The following GALNT17 variants were observed in gnomAD, a reference collection of about 807,000 sequenced individuals.
The protein encoded by GALNT17 is UDP-GalNAc:polypeptide N-acetylgalactosaminyltransferase-like 3.
In GALNT17, 29 loss-of-function variants were observed where a neutral mutation model predicts 63.7. The observed-to-expected ratio is 0.46, with a 90% CI of 0.34 to 0.62. The LOEUF is 0.62. Ranked by LOEUF, GALNT17 falls within the 20% of genes least tolerant of loss-of-function variation. The probability of loss-of-function intolerance (pLI) is 0.01; values close to 1 mark genes in which losing one functional copy is unlikely to be tolerated. For synonymous variants in GALNT17, 305 were observed against 318.3 expected (o/e 0.96, Z 0.45); for missense variants, 603 against 799.6 (o/e 0.75, Z 2.97).
At chr7:71,510,186 A>G (rs953393448) in intron 5 of GALNT17, among the ~76,000 whole-genome samples, 9 of 151,986 alleles carry the variant, frequency 5.9e-5, no homozygotes, top group African/African-American at 2.2e-4. Context: ...GCCTCAAGTG[A>G]TCCTCCCACT....
At chr7:71,612,830 G>T (rs1790144986) in intron 6 of GALNT17, among the ~76,000 whole-genome samples, 1 of 152,180 alleles carries the variant, frequency 6.6e-6, no homozygotes, top group African/African-American at 2.4e-5. Flanking sequence ...ACTGGGCAGG[G>T]TGAAAATTCC....
intron 5 of GALNT17, among the ~76,000 whole-genome samples, chr7:71,570,995 C>CA (rs1295424750): frequency 4.0e-5 from 6 of 151,864 alleles, no homozygotes; most frequent in Non-Finnish European, 8.8e-5. Context: ...AAAACAAAAA[C>CA]AAAAAACAGC....
chr7:71,588,658 C>T (rs1789754469), intron 6 of GALNT17, among the ~76,000 whole-genome samples: 3 of 152,216 alleles, frequency 2.0e-5, no homozygotes, highest in Non-Finnish European at 1.5e-5. Flanking sequence ...CTACCCAGCA[C>T]TCTCTTGGGC....
intron 1 of GALNT17, among the ~76,000 whole-genome samples, chr7:71,135,181 A>C (rs563196788): frequency 6.6e-6 from 1 of 152,242 alleles, no homozygotes; most frequent in African/African-American, 2.4e-5. Context: ...GGAGCATTAA[A>C]TATTATATAG....
At chr7:71,654,639 A>T (rs1324330253) in intron 6 of GALNT17, among the ~76,000 whole-genome samples, 2 of 151,882 alleles carry the variant, frequency 1.3e-5, no homozygotes, top group Non-Finnish European at 2.9e-5. Flanking sequence ...TGGACTAGTT[A>T]TGTTAATTTC....
chr7:71,525,736 CTTTTTTTTTT>C (rs71089950), intron 5 of GALNT17, among the ~76,000 whole-genome samples: 1 of 75,062 alleles, frequency 1.3e-5, no homozygotes, highest in African/African-American at 5.0e-5. Flanking sequence ...TATGTCTTTT[CTTTTTTTTTT>C]TTTTTTTTTT....
At position 71,420,686 on chromosome 7, in the gene GALNT17, A is replaced by G. The variant is rs183151221; in HGVS notation, c.765-222A>G. Among the ~76,000 whole-genome samples the G allele has an allele frequency of 2.8e-3, 419 of 152,276 alleles. 2 individuals carry two copies. Among genetic ancestry groups the G allele is most frequent in the African/African-American group, 9.7e-3 (403 of 41,556 alleles). On this transcript the variant is annotated intron_variant, in intron 4 of 10. Coordinates refer to ENST00000333538, the MANE Select transcript of GALNT17 (RefSeq NM_022479.3). ...AGCAGGCATCACTCTAGTGATTCCA[A>G]CAAGGGGAAAGGGGTGCGCTGATTT... is the stretch of plus-strand genomic sequence containing the variant.
chr7:71,335,265 G>A (rs755063737), intron 1 of GALNT17, among the ~76,000 whole-genome samples: 32 of 152,198 alleles, frequency 2.1e-4, no homozygotes, highest in Admixed American at 1.7e-3. Context: ...TCGAGTAGCT[G>A]GGACTACAGG....
intron 6 of GALNT17, among the ~76,000 whole-genome samples, chr7:71,599,145 G>A (rs1365301247): frequency 6.6e-6 from 1 of 152,082 alleles, no homozygotes; most frequent in Non-Finnish European, 1.5e-5. Context: ...GGGACACCAT[G>A]AGTCTTGGGA....
At chr7:71,491,868 G>A (rs1788014370) in intron 5 of GALNT17, among the ~76,000 whole-genome samples, 1 of 152,192 alleles carries the variant, frequency 6.6e-6, no homozygotes, top group Admixed American at 6.6e-5. Flanking sequence ...CTGGAAGCGT[G>A]AACTTGGGCC....
At chr7:71,432,421 A>G (rs1474555725) in intron 5 of GALNT17, among the ~76,000 whole-genome samples, 1 of 152,204 alleles carries the variant, frequency 6.6e-6, no homozygotes, top group Non-Finnish European at 1.5e-5. Context: ...CTCAACCTCC[A>G]GCCCTTGCCC....
Position 71,651,220 on chromosome 7 carries a change from CAAAAAAAAAAAA to C in GALNT17, c.1081-14181_1081-14170del, listed in dbSNP as rs71089971. On this transcript the variant is annotated intron_variant, in intron 6 of 10. Transcript: ENST00000333538. ...GAGAGGAGAGGAAGGGATGGGAGCA[CAAAAAAAAAAAA>C]AAAAAAAAAGGAAGGGAGGTGGGGA... Among the ~76,000 whole-genome samples the C allele has an allele frequency of 8.9e-5, 6 of 67,614 alleles. No individual in the cohort carries two copies. The Admixed American group carries it at 1.4e-3, about 16-fold the overall frequency. The allele number at this position is 67,614 out of a possible 152,430, so 44.4% of individuals were successfully genotyped here.
At chr7:71,366,068 G>A (rs1474516902) in intron 2 of GALNT17, among the ~76,000 whole-genome samples, 1 of 152,032 alleles carries the variant, frequency 6.6e-6, no homozygotes, top group Non-Finnish European at 1.5e-5. Flanking sequence ...TTCACGATAG[G>A]GCTTGCACTC....
chr7:71,146,466 G>A (rs1437933095), intron 1 of GALNT17, among the ~76,000 whole-genome samples: 3 of 152,206 alleles, frequency 2.0e-5, no homozygotes, highest in African/African-American at 7.2e-5. Flanking sequence ...CCTGAAGGAT[G>A]AAGGGGGAGG....
At chr7:71,310,986 C>T (rs1363272415) in intron 1 of GALNT17, among the ~76,000 whole-genome samples, 1 of 152,160 alleles carries the variant, frequency 6.6e-6, no homozygotes, top group Non-Finnish European at 1.5e-5. Context: ...GTGAGCAGCT[C>T]GCCGCTGATG....
intron 2 of GALNT17, among the ~76,000 whole-genome samples, chr7:71,339,297 A>G (rs1791966765): frequency 6.6e-6 from 1 of 152,218 alleles, no homozygotes; most frequent in African/African-American, 2.4e-5. Context: ...GCACAAGGGT[A>G]TGTGCCGGCT....
intron 1 of GALNT17, 36 bp downstream of exon 1, chr7:71,133,076 C>A: frequency 6.8e-7 from 1 of 1,470,576 alleles, no homozygotes; most frequent in East Asian, 2.5e-5. Context: ...GGGCTCGACG[C>A]GGGCGGGCCG....
intron 5 of GALNT17, among the ~76,000 whole-genome samples, chr7:71,568,249 T>C (rs1288470987): frequency 1.3e-5 from 2 of 152,198 alleles, no homozygotes; most frequent in African/African-American, 4.8e-5. Flanking sequence ...AGTTCTATTC[T>C]GTGACTCAGG....
chr7:71,393,553 C>G (rs1235172271), intron 3 of GALNT17, among the ~76,000 whole-genome samples: 1 of 151,938 alleles, frequency 6.6e-6, no homozygotes, highest in African/African-American at 2.4e-5. Context: ...TCAGTGCCCC[C>G]CTTTTTTTTT....
Sources: gnomAD v4.1 joint callset for allele counts (sites outside exome capture counted in the v4.1 genomes callset) on GRCh38, gnomAD v4.1.1 for gene constraint, MANE v1.5 for transcripts, NCBI Gene and HGNC (gene_info 2026-07-23, HGNC 2026-07-21) for gene names.